ANKS1B: variants seen among roughly 807,000 people sequenced by gnomAD.
ANKS1B encodes the protein ankyrin repeat and sterile alpha motif domain containing 1B.
ANKS1B carries 36 observed loss-of-function variants against 148.3 expected under a neutral mutation model. The observed-to-expected ratio is 0.24, with a 90% CI of 0.19 to 0.32. The LOEUF (loss-of-function observed/expected upper bound fraction) is 0.32. Among genes scored for constraint, ANKS1B ranks in the 10% least tolerant of loss-of-function variants. The probability of loss-of-function intolerance (pLI) is 1.00; values close to 1 mark genes in which losing one functional copy is unlikely to be tolerated. For synonymous variants in ANKS1B, 542 were observed against 560.8 expected (o/e 0.97, Z 0.47); for missense variants, 1,157 against 1,542.6 (o/e 0.75, Z 4.19).
At chr12:99,520,415 G>T (rs2096863741) in intron 9 of ANKS1B, among the ~76,000 whole-genome samples, 1 of 152,180 alleles carries the variant, frequency 6.6e-6, no homozygotes, top group African/African-American at 2.4e-5. Context: ...TGGCCTGCCA[G>T]GTTTCTACTA....
intron 1 of ANKS1B, among the ~76,000 whole-genome samples, chr12:99,928,435 C>T (rs1167524753): frequency 8.0e-5 from 12 of 150,684 alleles, no homozygotes; most frequent in Admixed American, 1.3e-4. Flanking sequence ...CCCGCCACCG[C>T]GCCCGGCTAA....
intron 17 of ANKS1B, among the ~76,000 whole-genome samples, chr12:99,013,047 T>C (rs1279201714): frequency 6.6e-6 from 1 of 152,164 alleles, no homozygotes; most frequent in African/African-American, 2.4e-5. Flanking sequence ...AAAGCACATA[T>C]TGGCTCAGGA....
intron 10 of ANKS1B, among the ~76,000 whole-genome samples, chr12:99,445,289 T>C (rs1298603449): frequency 6.6e-6 from 1 of 151,990 alleles, no homozygotes; most frequent in Non-Finnish European, 1.5e-5. Context: ...GGGGCAACTA[T>C]GAGTCAAATA....
At chr12:99,239,448 T>C (rs949291952) in intron 14 of ANKS1B, among the ~76,000 whole-genome samples, 1 of 152,192 alleles carries the variant, frequency 6.6e-6, no homozygotes, top group African/African-American at 2.4e-5. Context: ...TTGATTGGTG[T>C]ACCAGAAAGT....
At chr12:98,782,043 T>C in intron 23 of ANKS1B, 83 bp downstream of exon 23, 1 of 1,178,244 alleles carries the variant, frequency 8.5e-7, no homozygotes, top group Non-Finnish European at 1.2e-6. Context: ...TTATCATTCA[T>C]CACCAGTCAC....
At chr12:99,432,915 A>T (rs2095401572) in intron 11 of ANKS1B, among the ~76,000 whole-genome samples, 2 of 152,144 alleles carry the variant, frequency 1.3e-5, no homozygotes, top group Admixed American at 1.3e-4. Context: ...AGAGAGTCAG[A>T]TTATATTGGA....
chr12:99,518,011 T>C (rs1340837243), intron 9 of ANKS1B, among the ~76,000 whole-genome samples: 3 of 152,238 alleles, frequency 2.0e-5, no homozygotes, highest in African/African-American at 7.2e-5. Flanking sequence ...GTTGATATGA[T>C]GTATTATATT....
chr12:98,855,486 T>C (rs377758786), intron 17 of ANKS1B, among the ~76,000 whole-genome samples: 6 of 152,214 alleles, frequency 3.9e-5, no homozygotes, highest in African/African-American at 1.4e-4. Context: ...TTCGGAAACA[T>C]ATTTAATTTT....
At chr12:99,324,245 T>A (rs2085879801) in intron 12 of ANKS1B, among the ~76,000 whole-genome samples, 1 of 152,198 alleles carries the variant, frequency 6.6e-6, no homozygotes. Context: ...TTCTAAGCTA[T>A]TTATTTGTAT....
intron 9 of ANKS1B, among the ~76,000 whole-genome samples, chr12:99,639,672 AT>A (rs1481379103): frequency 4.6e-5 from 7 of 151,952 alleles, no homozygotes; most frequent in African/African-American, 1.7e-4. Context: ...TAAAAGGGGC[AT>A]TTCCCCCTTT....
At chr12:99,373,913 G>A (rs2093269169) in intron 12 of ANKS1B, among the ~76,000 whole-genome samples, 1 of 152,076 alleles carries the variant, frequency 6.6e-6, no homozygotes, top group African/African-American at 2.4e-5. Flanking sequence ...TCAAGGAAAG[G>A]AAACTAAGCC....
chr12:99,919,739 T>C (rs1169988105), intron 1 of ANKS1B, among the ~76,000 whole-genome samples: 2 of 143,074 alleles, frequency 1.4e-5, no homozygotes, highest in African/African-American at 5.3e-5. Context: ...AATTGAGCAC[T>C]TGAAATATAG....
intron 9 of ANKS1B, among the ~76,000 whole-genome samples, chr12:99,578,117 C>G (rs2097535799): frequency 6.6e-6 from 1 of 152,006 alleles, no homozygotes; most frequent in South Asian, 2.1e-4. Context: ...AAAATAAAAC[C>G]ATATGATTTT....
intron 12 of ANKS1B, among the ~76,000 whole-genome samples, chr12:99,394,947 T>C (rs2094197025): frequency 6.6e-6 from 1 of 152,210 alleles, no homozygotes; most frequent in African/African-American, 2.4e-5. Flanking sequence ...ATCTCTTGTG[T>C]GTCAAACGAT....
chr12:99,782,357 C>T (rs758845905), intron 4 of ANKS1B, among the ~76,000 whole-genome samples: 2 of 152,066 alleles, frequency 1.3e-5, no homozygotes, highest in Non-Finnish European at 2.9e-5. Flanking sequence ...GTCAGGAGTT[C>T]GAGACCAGCC....
chr12:99,278,724 T>C (rs1185456965), intron 12 of ANKS1B, among the ~76,000 whole-genome samples: 1 of 152,194 alleles, frequency 6.6e-6, no homozygotes, highest in Non-Finnish European at 1.5e-5. Flanking sequence ...AACTGGTACA[T>C]ATTTGTAAAA....
intron 17 of ANKS1B, among the ~76,000 whole-genome samples, chr12:98,985,562 C>T (rs2153233808): frequency 6.6e-6 from 1 of 151,600 alleles, no homozygotes; most frequent in Middle Eastern, 3.4e-3. Flanking sequence ...CTAGGGTTTA[C>T]ATTATTCATC....
chr12:98,948,947 C>CTTTTTTTTTTTTTTTTTTTTTTTTT lies in ANKS1B; in HGVS notation c.2778+104209_2778+104210insAAAAAAAAAAAAAAAAAAAAAAAAA, dbSNP rs869145338. Among the ~76,000 whole-genome samples, 30 of 84,862 alleles carry CTTTTTTTTTTTTTTTTTTTTTTTTT rather than the reference C, an allele frequency of 3.5e-4. 8 individuals carry two copies. The highest frequency in any genetic ancestry group is 6.8e-4 in the African/African-American group (10 of 14,736). The allele number at this position is 84,862 out of a possible 152,430, so 55.7% of individuals were successfully genotyped here. ...AGGGGTGAGATATGAGCATGAGCTA[C>CTTTTTTTTTTTTTTTTTTTTTTTTT]TTTTTTTTTTTTTTTTTTTTTTTGA... On this transcript the variant is annotated intron_variant, in intron 17 of 26. Coordinates refer to ENST00000683438, the MANE Select transcript of ANKS1B (RefSeq NM_001352186.2).
intron 17 of ANKS1B, among the ~76,000 whole-genome samples, chr12:98,922,827 C>G (rs1363881085): frequency 1.3e-5 from 2 of 152,096 alleles, no homozygotes; most frequent in African/African-American, 2.4e-5. Context: ...ATGTTGCATA[C>G]ACATGTAATT....
Sources: allele counts gnomAD v4.1 joint callset (sites outside exome capture counted in the v4.1 genomes callset), GRCh38; gene constraint gnomAD v4.1.1; transcripts MANE v1.5; gene names NCBI Gene and HGNC (gene_info 2026-07-23, HGNC 2026-07-21).